The following HSD17B12 variants were observed in gnomAD, a reference collection of about 807,000 sequenced individuals.
HSD17B12 encodes very-long-chain 3-oxoacyl-CoA reductase.
A neutral mutation model predicts 39.3 loss-of-function variants in HSD17B12; 32 were observed. The observed-to-expected ratio is 0.81, with a 90% confidence interval of 0.61 to 1.09. HSD17B12 has a LOEUF of 1.09. Among genes scored for constraint, HSD17B12 ranks in the 50% least tolerant of loss-of-function variants. The pLI is 0.00. For synonymous variants in HSD17B12, 150 were observed against 146.7 expected, an observed-to-expected ratio of 1.02 and a Z score of -0.16; for missense variants, 342 against 382.9, an observed-to-expected ratio of 0.89 and a Z score of 0.89.
At chr11:43,670,663 G>A in the HSD17B12 span, among the ~76,000 whole-genome samples, 1 of 152,218 alleles carries the variant, frequency 6.6e-6, no homozygotes, top group African/African-American at 2.4e-5. Context: ...GGCCAAGACA[G>A]GAGGATTGCT....
At chr11:43,637,799 G>A in the HSD17B12 span, among the ~76,000 whole-genome samples, 1 of 152,152 alleles carries the variant, frequency 6.6e-6, no homozygotes, top group African/African-American at 2.4e-5. Context: ...TATTTTTCAG[G>A]CTGTTTTTAA....
chr11:43,706,724 T>TGTGTGTGTTG (rs1204580097), intron 1 of HSD17B12, among the ~76,000 whole-genome samples: 1,721 of 80,214 alleles, frequency 0.021, 33 homozygotes, highest in African/African-American at 0.071. Context: ...GTGTGTGTTG[T>TGTGTGTGTTG]GGGGGGTGGG....
chr11:43,767,091 C>G (rs1212092916), intron 3 of HSD17B12, among the ~76,000 whole-genome samples: 1 of 152,076 alleles, frequency 6.6e-6, no homozygotes, highest in African/African-American at 2.4e-5. Flanking sequence ...TGTACTCCAC[C>G]GTGGCCAGAC....
At chr11:43,680,726 G>T (rs1243245635), upstream of HSD17B12, 2 of 1,038,138 alleles carry the variant, frequency 1.9e-6, no homozygotes, top group East Asian at 2.5e-5. Flanking sequence ...TGTCGGAGCA[G>T]CGCCTATTAG....
rs565058613 is a variant in HSD17B12 at position 43,705,203 on chromosome 11, A to G, written c.160+24216A>G. Reference sequence around the variant, plus strand: ...AGTCTTACTGAATAAATAAAGTCTCATTCCTGATTATGCTGGTTATTGAGT... The same window carrying G: ...AGTCTTACTGAATAAATAAAGTCTCGTTCCTGATTATGCTGGTTATTGAGT... On this transcript the variant is annotated intron_variant, in intron 1 of 10. Coordinates refer to ENST00000278353, the MANE Select transcript of HSD17B12 (RefSeq NM_016142.3). Among the ~76,000 whole-genome samples the G allele has an allele frequency of 2.6e-5, 4 of 152,348 alleles. No individual in the cohort carries two copies. The South Asian group carries it at 8.3e-4, about 32-fold the overall frequency.
At chr11:43,563,868 T>C in the HSD17B12 span, among the ~76,000 whole-genome samples, 2 of 152,142 alleles carry the variant, frequency 1.3e-5, no homozygotes, top group Non-Finnish European at 2.9e-5. Flanking sequence ...TAGTAATATT[T>C]AGTGAGAAGA....
chr11:43,836,377 G>C lies in HSD17B12; in HGVS notation c.537-1940G>C, dbSNP rs151220001. ...AGAAGGGTTGACTTGTCAAGATTGA[G>C]GGTTACTTCTTAGAAAGCATATTGT... On this transcript the variant is annotated intron_variant, in intron 7 of 10. Transcript: ENST00000278353. Among the ~76,000 whole-genome samples, 512 of 152,260 alleles carry C rather than the reference G, an allele frequency of 3.4e-3. 3 individuals carry two copies. The highest frequency in any genetic ancestry group is 5.8e-3 in the Non-Finnish European group (397 of 67,996).
At chr11:43,650,991 G>A in the HSD17B12 span, among the ~76,000 whole-genome samples, 1 of 152,104 alleles carries the variant, frequency 6.6e-6, no homozygotes, top group South Asian at 2.1e-4. Flanking sequence ...TTTCAGACAC[G>A]CACTGAGGGT....
the HSD17B12 span, among the ~76,000 whole-genome samples, chr11:43,563,154 T>A: frequency 3.3e-5 from 5 of 152,302 alleles, no homozygotes; most frequent in Non-Finnish European, 7.4e-5. Flanking sequence ...TACGGACTTA[T>A]TAAAATTGGG....
intron 8 of HSD17B12, among the ~76,000 whole-genome samples, chr11:43,839,060 T>C (rs563227292): frequency 8.5e-5 from 13 of 152,226 alleles, no homozygotes; most frequent in African/African-American, 2.9e-4. Context: ...TTCAGATACA[T>C]TGTTGAGGCA....
the HSD17B12 span, among the ~76,000 whole-genome samples, chr11:43,651,993 C>T: frequency 2.0e-5 from 3 of 152,160 alleles, no homozygotes; most frequent in African/African-American, 7.2e-5. Context: ...TTAAAGAATA[C>T]ATAAGTTGTG....
chr11:43,742,137 ATATT>A (rs1459103404), intron 1 of HSD17B12, among the ~76,000 whole-genome samples: 4 of 85,130 alleles, frequency 4.7e-5, no homozygotes, highest in African/African-American at 2.0e-4. Flanking sequence ...ATATATATAT[ATATT>A]TTTTTTTTTA....
chr11:43,609,725 G>T, the HSD17B12 span, among the ~76,000 whole-genome samples: 1 of 152,112 alleles, frequency 6.6e-6, no homozygotes, highest in Non-Finnish European at 1.5e-5. Flanking sequence ...CCCCCAACTT[G>T]GCAAAGAGCC....
intron 3 of HSD17B12, among the ~76,000 whole-genome samples, chr11:43,785,098 T>G (rs933756860): frequency 1.7e-4 from 4 of 24,050 alleles, no homozygotes; most frequent in African/African-American, 4.8e-4. Flanking sequence ...TAAACAGGGT[T>G]TTTTTTTTTG....
the HSD17B12 span, chr11:43,581,263 G>A: frequency 4.4e-6 from 2 of 456,272 alleles, no homozygotes; most frequent in Non-Finnish European, 9.0e-6. The surrounding 1 kb of genome is among the most constrained non-coding windows in gnomAD (Gnocchi z 4.9). Flanking sequence ...GGCGCGGAGG[G>A]GCGGGCAGCG....
At chr11:43,680,575 G>A (rs926959339), upstream of HSD17B12, 1 of 507,620 alleles carries the variant, frequency 2.0e-6, no homozygotes. Context: ...GAACCCCGGG[G>A]GACGCGGTGA....
In HSD17B12 at chr11:43,842,305, G is replaced by C. The variant is rs117383585; in HGVS notation, c.684+2241G>C. Among the ~76,000 whole-genome samples, 501 of 152,294 alleles carry C rather than the reference G, an allele frequency of 3.3e-3. 12 individuals carry two copies. In the East Asian group the frequency reaches 0.076, roughly 23 times the overall value. On this transcript the variant is annotated intron_variant, in intron 9 of 10. Coordinates refer to ENST00000278353, the MANE Select transcript of HSD17B12 (RefSeq NM_016142.3). ...GAGCTAAGTCACCTACTGTGAGATA[G>C]AATGGTAATGAAAGGAAGGGGGGAT... is the stretch of plus-strand genomic sequence containing the variant.
chr11:43,844,002 G>A (rs1171390405), intron 9 of HSD17B12, among the ~76,000 whole-genome samples: 1 of 152,194 alleles, frequency 6.6e-6, no homozygotes, highest in Admixed American at 6.5e-5. Flanking sequence ...GTGGTACACA[G>A]GCATCTGTTT....
chr11:43,563,750 C>T, the HSD17B12 span, among the ~76,000 whole-genome samples: 1 of 152,122 alleles, frequency 6.6e-6, no homozygotes, highest in Non-Finnish European at 1.5e-5. Flanking sequence ...CCTGGGAATT[C>T]GAGCTTGCAG....
Sources: gnomAD v4.1 joint callset for allele counts (sites outside exome capture counted in the v4.1 genomes callset) on GRCh38, gnomAD v4.1.1 for gene constraint, Gnocchi (gnomAD v3.1) non-coding constraint, MANE v1.5 for transcripts, NCBI Gene and HGNC (gene_info 2026-07-23, HGNC 2026-07-21) for gene names.